The following TENM3 variants were observed in gnomAD, a reference collection of about 807,000 sequenced individuals.
The protein encoded by TENM3 is teneurin transmembrane protein 3, also known as teneurin-3.
In TENM3, 63 loss-of-function variants were observed where a neutral mutation model predicts 255.1. That is an observed-to-expected ratio of 0.25 (90% CI 0.20 to 0.30). The LOEUF (loss-of-function observed/expected upper bound fraction) is 0.30, where lower values mean the gene tolerates loss of function less well. Among genes scored for constraint, TENM3 ranks in the 10% least tolerant of loss-of-function variants. The pLI is 1.00. For synonymous variants in TENM3, 1,306 were observed against 1,322.3 expected (o/e 0.99, Z 0.27); for missense variants, 2,929 against 3,461.1 (o/e 0.85, Z 3.86).
At chr4:181,526,211 G>A in the TENM3 span, among the ~76,000 whole-genome samples, 1 of 151,504 alleles carries the variant, frequency 6.6e-6, no homozygotes, top group African/African-American at 2.4e-5. Flanking sequence ...CTAAGAAGAC[G>A]AGTTCTATGG....
chr4:181,588,357 C>G, the TENM3 span, among the ~76,000 whole-genome samples: 2 of 152,136 alleles, frequency 1.3e-5, no homozygotes, highest in Admixed American at 1.3e-4. Flanking sequence ...CTAAAAGAAC[C>G]TTGAGAATAA....
chr4:182,375,276 T>A lies in TENM3; in HGVS notation c.511+28347T>A, dbSNP rs1188329088. ...TCATAAGTATCAAGAAAAGGGGAAT[T>A]AGGCTTCTAAGTCCATTCCTTGGAT... On this transcript the variant is annotated intron_variant, in intron 3 of 27. Coordinates refer to ENST00000511685, the MANE Select transcript of TENM3 (RefSeq NM_001080477.4). 2.6e-5 allele frequency among the ~76,000 whole-genome samples: 4 copies of A among 151,926 alleles called. No homozygotes were observed. In the East Asian group the frequency reaches 7.7e-4, roughly 29 times the overall value.
chr4:181,599,949 T>A, the TENM3 span, among the ~76,000 whole-genome samples: 1 of 152,200 alleles, frequency 6.6e-6, no homozygotes, highest in Non-Finnish European at 1.5e-5. Flanking sequence ...TCCTTCCCTG[T>A]ATCCCAGACC....
chr4:182,158,933 C>G (rs949193195), intron 1 of TENM3, among the ~76,000 whole-genome samples: 7 of 152,160 alleles, frequency 4.6e-5, no homozygotes, highest in African/African-American at 1.2e-4. Context: ...ATAAAAAGAT[C>G]AATAAAATTC....
At chr4:182,593,173 C>G (rs967886987) in intron 3 of TENM3, among the ~76,000 whole-genome samples, 1 of 152,300 alleles carries the variant, frequency 6.6e-6, no homozygotes, top group African/African-American at 2.4e-5. Flanking sequence ...TATCATATTG[C>G]AAGCTCTTAA....
chr4:181,550,048 A>T, the TENM3 span, among the ~76,000 whole-genome samples: 1 of 152,362 alleles, frequency 6.6e-6, no homozygotes, highest in Non-Finnish European at 1.5e-5. Context: ...TTTCCAATAA[A>T]GTGTTAGATA....
chr4:181,697,131 T>C, the TENM3 span, among the ~76,000 whole-genome samples: 1 of 152,216 alleles, frequency 6.6e-6, no homozygotes, highest in Non-Finnish European at 1.5e-5. Flanking sequence ...ACTACAACTA[T>C]GGCCCAAGAA....
intron 1 of TENM3, among the ~76,000 whole-genome samples, chr4:182,309,195 A>G (rs560666881): frequency 5.1e-4 from 77 of 152,174 alleles, no homozygotes; most frequent in Non-Finnish European, 6.6e-4. Context: ...TCGTCTGTCC[A>G]CTGACAGATG....
chr4:181,757,038 T>G, the TENM3 span, among the ~76,000 whole-genome samples: 1 of 152,178 alleles, frequency 6.6e-6, no homozygotes, highest in African/African-American at 2.4e-5. Context: ...TATGTTGCTG[T>G]AAGAATAGGT....
chr4:182,215,099 T>C (rs1443990119), intron 1 of TENM3, among the ~76,000 whole-genome samples: 1 of 152,088 alleles, frequency 6.6e-6, no homozygotes, highest in African/African-American at 2.4e-5. Flanking sequence ...TTTGAAGAAA[T>C]GGTTCTGAGC....
the TENM3 span, among the ~76,000 whole-genome samples, chr4:181,694,732 G>A: frequency 6.6e-6 from 1 of 152,170 alleles, no homozygotes; most frequent in East Asian, 1.9e-4. Context: ...GGAATACACA[G>A]AGCTTTGCGT....
chr4:181,784,381 G>T, the TENM3 span, among the ~76,000 whole-genome samples: 1 of 151,732 alleles, frequency 6.6e-6, no homozygotes, highest in Non-Finnish European at 1.5e-5. Flanking sequence ...AATTTACATT[G>T]TCTGTATTCC....
the TENM3 span, among the ~76,000 whole-genome samples, chr4:181,667,583 T>A: frequency 5.3e-5 from 8 of 152,218 alleles, no homozygotes; most frequent in Middle Eastern, 3.4e-3. Flanking sequence ...GGATTTCTTA[T>A]AAAAGGATGA....
the TENM3 span, among the ~76,000 whole-genome samples, chr4:181,593,585 T>C: frequency 6.6e-6 from 1 of 152,224 alleles, no homozygotes; most frequent in African/African-American, 2.4e-5. Flanking sequence ...AAAAGAAATT[T>C]AAGCATTAAC....
the TENM3 span, among the ~76,000 whole-genome samples, chr4:181,723,174 C>T: frequency 6.6e-6 from 1 of 151,618 alleles, no homozygotes; most frequent in Admixed American, 6.6e-5. Flanking sequence ...GGCATTCTGT[C>T]CTTAATTTCA....
At chr4:182,227,620 C>T (rs1385625195) in intron 1 of TENM3, among the ~76,000 whole-genome samples, 3 of 148,084 alleles carry the variant, frequency 2.0e-5, no homozygotes, top group Non-Finnish European at 3.0e-5. Flanking sequence ...TTTTTTTCTT[C>T]GTGTAGATGT....
chr4:181,721,503 G>A, the TENM3 span, among the ~76,000 whole-genome samples: 1 of 114,490 alleles, frequency 8.7e-6, no homozygotes. Flanking sequence ...GGGAGGCTGA[G>A]GCAGGAGAAT....
chr4:181,756,544 T>G, the TENM3 span, among the ~76,000 whole-genome samples: 1 of 152,214 alleles, frequency 6.6e-6, no homozygotes, highest in Non-Finnish European at 1.5e-5. Context: ...ATAGGAATGA[T>G]TAAACCCTGT....
chr4:182,571,996 G>A (rs1353863396), intron 3 of TENM3, among the ~76,000 whole-genome samples: 4 of 152,094 alleles, frequency 2.6e-5, no homozygotes, highest in Non-Finnish European at 5.9e-5. Context: ...CTGCCTCCTG[G>A]GTTCAAGCAA....
Sources: allele counts gnomAD v4.1 joint callset (sites outside exome capture counted in the v4.1 genomes callset), GRCh38; gene constraint gnomAD v4.1.1; transcripts MANE v1.5; gene names NCBI Gene and HGNC (gene_info 2026-07-23, HGNC 2026-07-21).